Variants in LARGE1 observed in about 807,000 individuals in gnomAD.
The protein encoded by LARGE1 is xylosyl- and glucuronyltransferase LARGE1.
A neutral mutation model predicts 87.6 loss-of-function variants in LARGE1; 43 were observed. The observed-to-expected ratio is 0.49, with a 90% CI of 0.38 to 0.63. The LOEUF is 0.63. LARGE1 is among the 30% of genes least tolerant of loss of function. LARGE1 has a pLI of 0.00. For missense variants in LARGE1, 802 were observed against 1,000.2 expected (o/e 0.80, Z 2.67); for synonymous variants, 434 against 394.6 (o/e 1.10, Z -1.18).
chr22:33,484,000 C>T (rs1207429702), intron 6 of LARGE1, among the ~76,000 whole-genome samples: 1 of 152,106 alleles, frequency 6.6e-6, no homozygotes, highest in Non-Finnish European at 1.5e-5. Context: ...CTTGAGCATA[C>T]GGGGTGCGGA....
intron 6 of LARGE1, among the ~76,000 whole-genome samples, chr22:33,511,224 G>C (rs115267085): frequency 0.012 from 1,847 of 152,316 alleles, 23 homozygotes; most frequent in African/African-American, 0.032. Context: ...GCTGATGCCA[G>C]CCACATGAGT....
At chr22:33,827,959 T>A (rs550579673) in intron 1 of LARGE1, among the ~76,000 whole-genome samples, 20 of 152,036 alleles carry the variant, frequency 1.3e-4, no homozygotes, top group Non-Finnish European at 2.4e-4. Flanking sequence ...GCCATTGTCC[T>A]ATGGAAGACT....
At chr22:33,456,987 A>C (rs1236184627) in intron 6 of LARGE1, among the ~76,000 whole-genome samples, 2 of 152,224 alleles carry the variant, frequency 1.3e-5, no homozygotes, top group Non-Finnish European at 2.9e-5. Context: ...GAGAAGGGCA[A>C]AGCCAGGCAC....
At chr22:33,704,132 A>C (rs1416175132) in intron 2 of LARGE1, among the ~76,000 whole-genome samples, 3 of 152,206 alleles carry the variant, frequency 2.0e-5, no homozygotes, top group African/African-American at 7.2e-5. Flanking sequence ...CATTTTATTG[A>C]CTCATTTCTT....
chr22:33,184,341 A>G (rs1029226859), intron 11 of LARGE1, among the ~76,000 whole-genome samples: 1 of 151,102 alleles, frequency 6.6e-6, no homozygotes, highest in Admixed American at 6.6e-5. Flanking sequence ...ACTTCCAAAC[A>G]AACAACAGTC....
intron 11 of LARGE1, among the ~76,000 whole-genome samples, chr22:33,202,620 T>G (rs1924454972): frequency 6.6e-6 from 1 of 152,230 alleles, no homozygotes. Context: ...TCTAGTACAG[T>G]GCAGATTGAC....
chr22:33,094,601 T>G, the LARGE1 span, among the ~76,000 whole-genome samples: 3 of 152,156 alleles, frequency 2.0e-5, no homozygotes, highest in East Asian at 5.8e-4. Flanking sequence ...TTCTTTCTTT[T>G]TTTTTTTTGA....
At chr22:33,179,910 G>A (rs1923075759) in intron 11 of LARGE1, among the ~76,000 whole-genome samples, 1 of 151,762 alleles carries the variant, frequency 6.6e-6, no homozygotes, top group Non-Finnish European at 1.5e-5. Flanking sequence ...AAGAGGTGGG[G>A]CCTTTAAGAA....
chr22:33,637,789 G>A (rs2080312131), intron 3 of LARGE1, among the ~76,000 whole-genome samples: 1 of 152,070 alleles, frequency 6.6e-6, no homozygotes, highest in Admixed American at 6.6e-5. Flanking sequence ...CTCTTTAAAG[G>A]TTGAGAGTCA....
intron 7 of LARGE1, among the ~76,000 whole-genome samples, chr22:33,393,029 C>G (rs895050550): frequency 6.6e-6 from 1 of 152,022 alleles, no homozygotes; most frequent in Non-Finnish European, 1.5e-5. Flanking sequence ...AGAGATACAT[C>G]CACAGGAAGA....
At chr22:33,173,424 C>A (rs1235744276) in intron 11 of LARGE1, among the ~76,000 whole-genome samples, 1 of 152,170 alleles carries the variant, frequency 6.6e-6, no homozygotes, top group African/African-American at 2.4e-5. Flanking sequence ...ATCATCGACA[C>A]TATGAAGAAA....
intron 6 of LARGE1, among the ~76,000 whole-genome samples, chr22:33,475,450 A>ATTTAT (rs2069034073): frequency 6.7e-6 from 1 of 149,136 alleles, no homozygotes; most frequent in Non-Finnish European, 1.5e-5. Flanking sequence ...TTATTTATTT[A>ATTTAT]TTTATTTATT....
the LARGE1 span, among the ~76,000 whole-genome samples, chr22:33,145,842 A>G: frequency 6.6e-6 from 1 of 152,350 alleles, no homozygotes; most frequent in African/African-American, 2.4e-5. Context: ...ACTGAAACCA[A>G]TAAAGACCAA....
At chr22:33,200,842 G>T (rs73881996) in intron 11 of LARGE1, among the ~76,000 whole-genome samples, 4,598 of 152,284 alleles carry the variant, frequency 0.03, 96 homozygotes, top group Admixed American at 0.057. Flanking sequence ...TGGGTTCAGG[G>T]ATTCTTTGGG....
downstream of LARGE1, among the ~76,000 whole-genome samples, chr22:33,157,250 T>C (rs1921903501): frequency 6.6e-6 from 1 of 152,242 alleles, no homozygotes. Flanking sequence ...CTTTCATGTA[T>C]AAAAAGCTGA....
chr22:33,539,936 T>C (rs1416983801), intron 6 of LARGE1, among the ~76,000 whole-genome samples: 5 of 152,142 alleles, frequency 3.3e-5, no homozygotes, highest in African/African-American at 9.7e-5. Flanking sequence ...GAAGTTCTTC[T>C]GACCCGGGAT....
intron 1 of LARGE1, among the ~76,000 whole-genome samples, chr22:33,911,128 C>T (rs757656560): frequency 6.6e-6 from 1 of 152,188 alleles, no homozygotes; most frequent in Non-Finnish European, 1.5e-5. Context: ...ACTGGAAGAA[C>T]GTGCTTTGGG....
chr22:33,758,726 T>C (rs150617701), intron 2 of LARGE1, among the ~76,000 whole-genome samples: 40 of 152,322 alleles, frequency 2.6e-4, no homozygotes, highest in African/African-American at 9.6e-4. Context: ...CATCTAACCA[T>C]AAACACAGAC....
Position 33,323,676 on chromosome 22 carries a change from T to C in LARGE1, c.1288-7428A>G, listed in dbSNP as rs1346258334. ...AAAAAAAGAAGGGAACACATTATAA[T>C]GTTAACAAAGATTTTCTGAGTGGTG... On this transcript the variant is annotated intron_variant, in intron 10 of 14. Coordinates refer to ENST00000397394, the MANE Select transcript of LARGE1 (RefSeq NM_133642.5). 2.0e-5 allele frequency among the ~76,000 whole-genome samples: 3 copies of C among 152,242 alleles called. No individual in the cohort carries two copies. In the East Asian group the frequency reaches 5.8e-4, roughly 29 times the overall value.
Sources: allele counts gnomAD v4.1 joint callset (sites outside exome capture counted in the v4.1 genomes callset), GRCh38; gene constraint gnomAD v4.1.1; transcripts MANE v1.5; gene names NCBI Gene and HGNC (gene_info 2026-07-23, HGNC 2026-07-21).